The following TRRAP variants were observed in gnomAD, a reference collection of about 807,000 sequenced individuals.
The protein encoded by TRRAP is transformation/transcription domain associated protein, also known as transformation/transcription domain-associated protein.
TRRAP carries 41 observed loss-of-function variants against 438.8 expected under a neutral mutation model. That is an observed-to-expected ratio of 0.09 (90% CI 0.07 to 0.12). The LOEUF is 0.12. Ranked by LOEUF, TRRAP falls within the 10% of genes least tolerant of loss-of-function variation. The pLI is 1.00. For synonymous variants in TRRAP, 1,994 were observed against 1,962.9 expected (o/e 1.02, Z -0.42); for missense variants, 3,122 against 5,055.1 (o/e 0.62, Z 11.60).
At chr7:98,986,336 G>GT (rs931932706) in intron 62 of TRRAP, among the ~76,000 whole-genome samples, 15 of 152,206 alleles carry the variant, frequency 9.9e-5, no homozygotes, top group African/African-American at 3.4e-4. Flanking sequence ...GTACTTCTCT[G>GT]TTTATCTTTT....
At chr7:98,881,487 G>C (rs1309226303) in intron 2 of TRRAP, among the ~76,000 whole-genome samples, 10 of 150,754 alleles carry the variant, frequency 6.6e-5, no homozygotes, top group Non-Finnish European at 7.4e-5. Flanking sequence ...CAGGAGGATC[G>C]CTTGAACCCA....
In TRRAP at chr7:98,948,427, A is replaced by C; in HGVS notation, c.4668+87A>C. The C allele has an allele frequency of 1.2e-6, 2 of 1,610,324 alleles. No individual in the cohort carries two copies. The highest frequency in any genetic ancestry group is 2.2e-5 in the South Asian group (2 of 90,974). On this transcript the variant is annotated intron_variant, in intron 34 of 72. Transcript: ENST00000456197. This position sits in a 1 kb window ranked among gnomAD's most constrained non-coding sequence, Gnocchi z 4.9. ...ACTTGATCGTATTTTCAATGGACGG[A>C]ACAGCATAAAGACGTTCGATGTCAA...
Position 99,005,716 on chromosome 7 carries a change from C to T in TRRAP, c.10753+368C>T, listed in dbSNP as rs534270297. 2.0e-5 allele frequency among the ~76,000 whole-genome samples: 3 copies of T among 151,640 alleles called. No individual in the cohort carries two copies. Among genetic ancestry groups the T allele is most frequent in the East Asian group, 1.9e-4 (1 of 5,154 alleles). ...TTTTCTTTTTTAGCTCATCACCTGTCGTGTCAGTGTATTTTATGTGTGGCC... is the reference window on the plus strand; with the variant it reads ...TTTTCTTTTTTAGCTCATCACCTGTTGTGTCAGTGTATTTTATGTGTGGCC... On this transcript the variant is annotated intron_variant, in intron 69 of 72. Coordinates refer to ENST00000456197, the MANE Select transcript of TRRAP (RefSeq NM_001375524.1). The surrounding 1 kb of genome is among the most constrained non-coding windows in gnomAD (Gnocchi z 5.1).
intron 48 of TRRAP, 21 bp downstream of exon 48, chr7:98,964,796 G>A (rs780244499): frequency 6.9e-6 from 11 of 1,605,240 alleles, no homozygotes; most frequent in Non-Finnish European, 9.4e-6. Flanking sequence ...GGCCACCGGG[G>A]GCCTTTCCTC....
intron 65 of TRRAP, 137 bp from the exon 66 acceptor site, chr7:98,993,401 C>G: frequency 9.7e-6 from 9 of 928,678 alleles, no homozygotes; most frequent in Non-Finnish European, 1.4e-5. Context: ...CCCACGCAGT[C>G]CTTGGGGAAG....
At chr7:98,886,544 G>A (rs1554404022) in intron 3 of TRRAP, among the ~76,000 whole-genome samples, 1 of 152,044 alleles carries the variant, frequency 6.6e-6, no homozygotes, top group African/African-American at 2.4e-5. Flanking sequence ...ATAGTATATA[G>A]CAGTATAGTT....
At chr7:98,895,439 A>G (rs1382175837) in intron 6 of TRRAP, among the ~76,000 whole-genome samples, 1 of 152,228 alleles carries the variant, frequency 6.6e-6, no homozygotes, top group East Asian at 1.9e-4. Context: ...TTACGGCCCC[A>G]CAGTATATGA....
chr7:98,969,975 TG>T, intron 51 of TRRAP, 136 bp from the exon 52 acceptor site: 2 of 990,198 alleles, frequency 2.0e-6, no homozygotes, highest in Non-Finnish European at 3.0e-6. Context: ...TGGGGACAGG[TG>T]GGAAAGGGTG....
At chr7:98,910,751 A>G (rs1789214956) in intron 16 of TRRAP, 144 bp downstream of exon 16, 2 of 713,190 alleles carry the variant, frequency 2.8e-6, no homozygotes, top group Middle Eastern at 2.7e-4. Context: ...TTGTTCCACA[A>G]CATAGCACTG....
intron 11 of TRRAP, 82 bp from the exon 12 acceptor site, chr7:98,903,297 T>A (rs893558143): frequency 8.3e-5 from 129 of 1,557,324 alleles, no homozygotes; most frequent in Non-Finnish European, 1.0e-4. Flanking sequence ...TCTTACTGAA[T>A]TTTTAAGAAG....
chr7:98,885,502 A>G (rs1483024941), intron 3 of TRRAP, among the ~76,000 whole-genome samples: 2 of 152,134 alleles, frequency 1.3e-5, no homozygotes, highest in Non-Finnish European at 1.5e-5. Flanking sequence ...GGGTTGAATC[A>G]AATACCCTAC....
chr7:98,882,033 A>T lies in TRRAP; in HGVS notation c.150+9A>T. The T allele has an allele frequency of 6.2e-7, 1 of 1,602,994 alleles. No individual in the cohort carries two copies. The highest frequency in any genetic ancestry group is 8.5e-7 in the Non-Finnish European group (1 of 1,176,528). On this transcript the variant is annotated intron_variant, in intron 3 of 72. Coordinates refer to ENST00000456197, the MANE Select transcript of TRRAP (RefSeq NM_001375524.1). ...TTAGTGAAAATTTTGAGGTATGAGC[A>T]TTATATTTTCTATTTTTCATTTTGA...
intron 67 of TRRAP, among the ~76,000 whole-genome samples, chr7:99,001,985 G>A (rs1178638443): frequency 6.6e-6 from 1 of 152,154 alleles, no homozygotes; most frequent in African/African-American, 2.4e-5. Context: ...CAGTAACGTG[G>A]GTGAACCTCC....
At chr7:98,915,998 G>T (rs2074492713) in intron 19 of TRRAP, 110 bp downstream of exon 19, 1 of 1,435,228 alleles carries the variant, frequency 7.0e-7, no homozygotes, top group Non-Finnish European at 9.4e-7. Flanking sequence ...TGTCATGGTT[G>T]GTGGGATGGG....
chr7:98,953,444 A>G lies in TRRAP; in HGVS notation c.5730+11A>G. 1 of 1,605,562 alleles carries G rather than the reference A, an allele frequency of 6.2e-7. No homozygotes were observed. Among genetic ancestry groups the G allele is most frequent in the Admixed American group, 1.7e-5 (1 of 59,992 alleles). On this transcript the variant is annotated intron_variant, in intron 40 of 72. Transcript: ENST00000456197. Reference sequence around the variant, plus strand: ...AAGATCGTCCTGCAGGTATTTTGCAAGCCCCTCCTGTCCGCCGACATCAGC... The same window carrying G: ...AAGATCGTCCTGCAGGTATTTTGCAGGCCCCTCCTGTCCGCCGACATCAGC...
intron 30 of TRRAP, 23 bp downstream of exon 30, chr7:98,937,843 C>T (rs782692497): frequency 1.3e-6 from 2 of 1,590,630 alleles, no homozygotes; most frequent in Non-Finnish European, 8.5e-7. Flanking sequence ...CATTTAAACG[C>T]TCTGTAACAA....
chr7:98,913,549 A>C (rs2116424647), intron 18 of TRRAP, among the ~76,000 whole-genome samples: 1 of 152,142 alleles, frequency 6.6e-6, no homozygotes. Context: ...TGGCCTCTCA[A>C]AGTGCTGGGA....
chr7:98,992,121 T>C lies in TRRAP; in HGVS notation c.9757-16T>C. The C allele has an allele frequency of 6.2e-7, 1 of 1,613,348 alleles. No homozygotes were observed. The highest frequency in any genetic ancestry group is 1.1e-5 in the South Asian group (1 of 91,070). ...GCAGAGAGCAGCACTGTTTATAACATCTTGTCTCTGAGCAGGTTGGACGCG... is the reference window on the plus strand; with the variant it reads ...GCAGAGAGCAGCACTGTTTATAACACCTTGTCTCTGAGCAGGTTGGACGCG... On this transcript the variant is annotated splice_polypyrimidine_tract_variant and intron_variant, in intron 64 of 72. Transcript: ENST00000456197.
At chr7:98,995,346 G>A (rs180759847) in intron 67 of TRRAP, among the ~76,000 whole-genome samples, 4 of 150,832 alleles carry the variant, frequency 2.7e-5, no homozygotes, top group African/African-American at 7.3e-5. Context: ...GACAGGGTCC[G>A]GTGGGCCCAT....
Sources: gnomAD v4.1 joint callset for allele counts (sites outside exome capture counted in the v4.1 genomes callset) on GRCh38, gnomAD v4.1.1 for gene constraint, Gnocchi (gnomAD v3.1) non-coding constraint, MANE v1.5 for transcripts, NCBI Gene and HGNC (gene_info 2026-07-23, HGNC 2026-07-21) for gene names.